FAS: variants seen among roughly 807,000 people sequenced by gnomAD.
FAS encodes the protein tumor necrosis factor receptor superfamily member 6.
FAS carries 5 observed loss-of-function variants against 33.2 expected under a neutral mutation model. The observed-to-expected ratio is 0.15, with a 90% CI of 0.08 to 0.32. FAS has a LOEUF of 0.32. Among genes scored for constraint, FAS ranks in the 10% least tolerant of loss-of-function variants. FAS has a pLI of 1.00. For synonymous variants in FAS, 131 were observed against 130.7 expected (o/e 1.00, Z -0.01); for missense variants, 339 against 386.0 (o/e 0.88, Z 1.02).
At chr10:88,983,638 A>ACACAC (rs1325553498), upstream of FAS, among the ~76,000 whole-genome samples, 1 of 102,882 alleles carries the variant, frequency 9.7e-6, no homozygotes, top group South Asian at 3.1e-4. Flanking sequence ...AAAAAAAAAA[A>ACACAC]ACACACACAC....
rs1848754614 is a variant in FAS, at chr10:89,015,410, T to C, written c.*960T>C. 1 of 531,384 alleles carries C rather than the reference T, an allele frequency of 1.9e-6. No individual in the cohort carries two copies. The highest frequency in any genetic ancestry group is 3.9e-5 in the East Asian group (1 of 25,636). The allele number at this position is 531,384 out of a possible 1,614,324, so 32.9% of individuals were successfully genotyped here. On this transcript the variant is annotated 3_prime_UTR_variant, in exon 9 of 9. Transcript: ENST00000652046. ...CAATCAAAGATGATAAAATAGATTC[T>C]TATTTTTCCCCCACCCCCGAAAATG... is the stretch of plus-strand genomic sequence containing the variant.
chr10:88,985,301 T>C (rs893914908), upstream of FAS, among the ~76,000 whole-genome samples: 1 of 152,166 alleles, frequency 6.6e-6, no homozygotes, highest in South Asian at 2.1e-4. Context: ...AGTTGCTAAT[T>C]TGGGGGTGTT....
Position 88,990,867 on chromosome 10 carries a change from C to A in FAS, c.-10C>A, listed in dbSNP as rs200181814. ...GAAGCTCTTTCACTTCGGAGGATTG[C>A]TCAACAACCATGCTGGGCATCTGGA... On this transcript the variant is annotated 5_prime_UTR_variant, in exon 1 of 9. Transcript: ENST00000652046. The surrounding 1 kb of genome is among the most constrained non-coding windows in gnomAD (Gnocchi z 4.9). The A allele has an allele frequency of 2.3e-4, 365 of 1,614,122 alleles. 4 individuals carry two copies. The highest frequency in any genetic ancestry group is 5.0e-5 in the Admixed American group (3 of 60,014).
intron 1 of FAS, among the ~76,000 whole-genome samples, chr10:88,972,465 T>C (rs1846469308): frequency 2.6e-5 from 4 of 152,232 alleles, no homozygotes. Flanking sequence ...CAGTTCGATT[T>C]AGATTTACTG....
intron 1 of FAS, among the ~76,000 whole-genome samples, chr10:88,966,806 A>G (rs896090261): frequency 6.6e-6 from 1 of 152,232 alleles, no homozygotes; most frequent in African/African-American, 2.4e-5. Context: ...TTAAGTGCCA[A>G]TCAGATTATC....
At chr10:88,976,767 AG>A (rs1261898341) in intron 2 of FAS, among the ~76,000 whole-genome samples, 4 of 152,246 alleles carry the variant, frequency 2.6e-5, no homozygotes, top group Non-Finnish European at 4.4e-5. Flanking sequence ...ATTTCTTGAA[AG>A]TATTTTTACT....
chr10:88,980,064 C>T (rs1476266106), intron 2 of FAS, among the ~76,000 whole-genome samples: 1 of 152,230 alleles, frequency 6.6e-6, no homozygotes, highest in Non-Finnish European at 1.5e-5. Context: ...GACTTCTTTC[C>T]ACTTGAAATT....
At position 89,004,228 on chromosome 10, in the gene FAS, A is replaced by G. The variant is rs528509504; in HGVS notation, c.196+1034A>G. ...AATATGCTTTGCACATCAAACTGTC[A>G]AGGATTTTTGTCTATTGCTTTTTCG... On this transcript the variant is annotated intron_variant, in intron 2 of 8. Coordinates refer to ENST00000652046, the MANE Select transcript of FAS (RefSeq NM_000043.6). Among the ~76,000 whole-genome samples the G allele has an allele frequency of 2.0e-4, 30 of 152,340 alleles. No homozygotes were observed. The South Asian group carries it at 6.2e-3, about 32-fold the overall frequency.
rs9658786 is a variant in FAS, at chr10:89,016,592, C to T, written c.*2142C>T. On this transcript the variant is annotated 3_prime_UTR_variant, in exon 9 of 9. Transcript: ENST00000652046. The stretch of plus-strand genomic sequence containing the variant: ...GTGGTTTTTTTCCTCATGGCTTCAC[C>T]TAGTGGCCCCAAGCATGACTTCTCC... The T allele has an allele frequency of 0.11, 25,499 of 224,486 alleles. 1,850 individuals carry two copies. Among genetic ancestry groups the T allele is most frequent in the Non-Finnish European group, 0.16 (17,543 of 112,504 alleles). The allele number at this position is 224,486 out of a possible 1,614,324, so 13.9% of individuals were successfully genotyped here.
intron 1 of FAS, among the ~76,000 whole-genome samples, chr10:88,992,162 T>C (rs1847273585): frequency 6.6e-6 from 1 of 152,186 alleles, no homozygotes; most frequent in African/African-American, 2.4e-5. Flanking sequence ...TGATTGCATC[T>C]GATATCCAGA....
intron 3 of FAS, among the ~76,000 whole-genome samples, chr10:89,008,365 C>T (rs781602797): frequency 6.6e-6 from 1 of 152,130 alleles, no homozygotes; most frequent in Non-Finnish European, 1.5e-5. Context: ...CATGAAGAAA[C>T]CTCTGGACAT....
intron 1 of FAS, among the ~76,000 whole-genome samples, chr10:88,999,188 AAAAT>A (rs1204106896): frequency 5.5e-5 from 6 of 108,610 alleles, no homozygotes; most frequent in African/African-American, 8.8e-5. Context: ...AAAATAAAAT[AAAAT>A]AAAATCTCAC....
chr10:88,996,780 T>C (rs572812450), intron 1 of FAS, among the ~76,000 whole-genome samples: 10 of 152,196 alleles, frequency 6.6e-5, no homozygotes, highest in Admixed American at 4.6e-4. Flanking sequence ...CGAATAAAAA[T>C]AATACAAAAA....
chr10:88,973,388 T>C, intron 2 of FAS: 1 of 1,416,564 alleles, frequency 7.1e-7, no homozygotes, highest in Non-Finnish European at 9.3e-7. Context: ...TGAAAATCTT[T>C]CATAGAGTTC....
At chr10:89,001,269 T>C (rs1003977411) in intron 1 of FAS, among the ~76,000 whole-genome samples, 1 of 151,924 alleles carries the variant, frequency 6.6e-6, no homozygotes, top group African/African-American at 2.4e-5. Flanking sequence ...ATGCCTTTTT[T>C]TTTTTTTTTG....
intron 4 of FAS, 33 bp from the exon 5 acceptor site, chr10:89,010,506 G>A (rs746302910): frequency 2.5e-6 from 4 of 1,580,132 alleles, no homozygotes; most frequent in East Asian, 4.5e-5. Flanking sequence ...ATTCTGCCAG[G>A]CTTTTGAATT....
At chr10:88,989,452 C>A (rs117215034), upstream of FAS, 3,034 of 540,500 alleles carry the variant, frequency 5.6e-3, 16 homozygotes, top group Non-Finnish European at 6.9e-3. Context: ...TATCCCACTT[C>A]TTTTTGTGTC....
chr10:88,979,928 A>T (rs1439487982), intron 2 of FAS, among the ~76,000 whole-genome samples: 1 of 152,138 alleles, frequency 6.6e-6, no homozygotes, highest in African/African-American at 2.4e-5. Flanking sequence ...ATAATAGAAG[A>T]TATAGTTCTT....
At chr10:88,981,966 G>C (rs1235407917), upstream of FAS, among the ~76,000 whole-genome samples, 1 of 152,208 alleles carries the variant, frequency 6.6e-6, no homozygotes, top group East Asian at 1.9e-4. Context: ...AATCAGGAAA[G>C]TTATTCTTTC....
Sources: allele counts gnomAD v4.1 joint callset (sites outside exome capture counted in the v4.1 genomes callset), GRCh38; gene constraint gnomAD v4.1.1; non-coding constraint Gnocchi (gnomAD v3.1); transcripts MANE v1.5; gene names NCBI Gene and HGNC (gene_info 2026-07-23, HGNC 2026-07-21).